Variants in LIMCH1 observed in about 807,000 individuals in gnomAD.
LIMCH1 encodes the protein LIM and calponin homology domains 1.
LIMCH1 carries 113 observed loss-of-function variants against 176.5 expected under a neutral mutation model. The ratio of observed to expected loss-of-function variants is 0.64; its 90% confidence interval spans 0.55 to 0.75. The LOEUF (loss-of-function observed/expected upper bound fraction) is 0.75. Among genes scored for constraint, LIMCH1 ranks in the 30% least tolerant of loss-of-function variants. The probability of loss-of-function intolerance (pLI) is 0.00; values close to 1 mark genes in which losing one functional copy is unlikely to be tolerated. For synonymous variants in LIMCH1, 619 were observed against 645.9 expected (o/e 0.96, Z 0.63); for missense variants, 1,674 against 1,814.9 (o/e 0.92, Z 1.41).
chr4:41,611,071 G>T (rs2091357313), intron 4 of LIMCH1, among the ~76,000 whole-genome samples: 1 of 152,182 alleles, frequency 6.6e-6, no homozygotes, highest in Non-Finnish European at 1.5e-5. Context: ...ATCCAAAAAA[G>T]TCAAATCCTG....
chr4:41,373,422 C>T (rs555632143), intron 1 of LIMCH1, among the ~76,000 whole-genome samples: 12 of 152,338 alleles, frequency 7.9e-5, no homozygotes, highest in South Asian at 6.2e-4. Context: ...AGGAATCCTC[C>T]GTGCTTCTTG....
intron 4 of LIMCH1, among the ~76,000 whole-genome samples, chr4:41,610,235 G>A (rs770924868): frequency 2.6e-5 from 4 of 152,208 alleles, no homozygotes; most frequent in Non-Finnish European, 4.4e-5. Context: ...GGTGAGGGTG[G>A]GGAAGACATT....
Position 41,360,946 on chromosome 4 carries a change from G to C in LIMCH1, c.96+10G>C. ...GCAGAAGTGGATTGAGGTAGGTGCG[G>C]GTGGCTGGCGGGCGGCCTTGCACTG... On this transcript the variant is annotated intron_variant, in intron 1 of 26. Transcript: ENST00000313860. This position sits in a 1 kb window ranked among gnomAD's most constrained non-coding sequence, Gnocchi z 4.5. The C allele has an allele frequency of 1.3e-6, 2 of 1,560,894 alleles. No individual in the cohort carries two copies. The highest frequency in any genetic ancestry group is 1.7e-6 in the Non-Finnish European group (2 of 1,155,886).
intron 18 of LIMCH1, among the ~76,000 whole-genome samples, chr4:41,659,099 A>G (rs1041405554): frequency 1.3e-5 from 2 of 152,196 alleles, no homozygotes; most frequent in African/African-American, 2.4e-5. Context: ...TTCAAATCCT[A>G]CTACCATGTT....
At chr4:41,612,964 A>T in intron 4 of LIMCH1, 1 of 1,544,958 alleles carries the variant, frequency 6.5e-7, no homozygotes, top group Non-Finnish European at 8.7e-7. Context: ...GATTTTACAG[A>T]ACTGATTCTG....
chr4:41,502,907 T>TCACACACACACACACACACA (rs71650929), intron 2 of LIMCH1, among the ~76,000 whole-genome samples: 8 of 142,122 alleles, frequency 5.6e-5, no homozygotes, highest in African/African-American at 2.1e-4. Context: ...CGGAGGTAAA[T>TCACACACACACACACACACA]CACACACACA....
chr4:41,679,400 T>A (rs1255645173), intron 23 of LIMCH1, among the ~76,000 whole-genome samples: 2 of 152,186 alleles, frequency 1.3e-5, no homozygotes, highest in Non-Finnish European at 2.9e-5. Flanking sequence ...CTGCATTATT[T>A]CTGAAAACAA....
At position 41,619,303 on chromosome 4, in the gene LIMCH1, T is replaced by C. The variant is rs1471545885; in HGVS notation, c.321T>C (p.Phe107=). ...SHGEPKSAVP[F]NQYLPNKSNQ... is the part of the protein sequence containing the mutation. ...GTGAGCCGAAATCAGCAGTGCCTTT[T>C]AACCAGTACCTCCCGAACAAAAGCA... Residue 107 remains phenylalanine (F), a synonymous_variant, in exon 6 of 32, where the codon TTT becomes TTC. Coordinates refer to ENST00000503057, the MANE Select transcript of LIMCH1 (RefSeq NM_001330672.2). The C allele has an allele frequency of 3.7e-6, 6 of 1,614,202 alleles. No homozygotes were observed. Among genetic ancestry groups the C allele is most frequent in the Non-Finnish European group, 5.1e-6 (6 of 1,180,032 alleles).
At chr4:41,396,205 A>T (rs2057785388) in intron 1 of LIMCH1, among the ~76,000 whole-genome samples, 1 of 152,176 alleles carries the variant, frequency 6.6e-6, no homozygotes, top group Admixed American at 6.5e-5. Flanking sequence ...ACGATTGTTG[A>T]TATTTCTTCT....
At chr4:41,618,630 C>T (rs1189338286) in intron 5 of LIMCH1, among the ~76,000 whole-genome samples, 2 of 152,198 alleles carry the variant, frequency 1.3e-5, no homozygotes, top group South Asian at 2.1e-4. Flanking sequence ...ACTACTTGAA[C>T]CACTTCCTGG....
At chr4:41,651,576 T>C (rs1052239238) in intron 18 of LIMCH1, among the ~76,000 whole-genome samples, 2 of 152,166 alleles carry the variant, frequency 1.3e-5, no homozygotes, top group South Asian at 4.1e-4. Flanking sequence ...AATAAGTAAA[T>C]CTTTAAAATA....
intron 1 of LIMCH1, among the ~76,000 whole-genome samples, chr4:41,483,199 GA>G (rs2068944660): frequency 6.6e-6 from 1 of 152,116 alleles, no homozygotes; most frequent in Admixed American, 6.5e-5. Flanking sequence ...CTTAATGGAG[GA>G]ACCCAGTTCA....
intron 1 of LIMCH1, among the ~76,000 whole-genome samples, chr4:41,478,157 C>G (rs2068030504): frequency 6.6e-6 from 1 of 152,156 alleles, no homozygotes; most frequent in African/African-American, 2.4e-5. Context: ...AAATGTAACA[C>G]AAGTACAGAG....
At chr4:41,607,577 A>G (rs1464486573) in intron 4 of LIMCH1, among the ~76,000 whole-genome samples, 2 of 152,250 alleles carry the variant, frequency 1.3e-5, no homozygotes, top group African/African-American at 2.4e-5. Context: ...TAGATGGGTC[A>G]TGAAGCTTTG....
intron 1 of LIMCH1, among the ~76,000 whole-genome samples, chr4:41,589,850 C>T (rs535983755): frequency 1.5e-4 from 23 of 152,196 alleles, no homozygotes; most frequent in African/African-American, 4.6e-4. Context: ...AATATAAGTC[C>T]CTGATGAGCT....
intron 1 of LIMCH1, among the ~76,000 whole-genome samples, chr4:41,402,036 C>A (rs573619515): frequency 1.3e-5 from 2 of 152,138 alleles, no homozygotes; most frequent in African/African-American, 4.8e-5. Context: ...CCTTCCCCTG[C>A]CTAATTGCCC....
chr4:41,626,651 G>A (rs1042158074), intron 7 of LIMCH1, 57 bp from the exon 8 acceptor site: 11 of 1,396,724 alleles, frequency 7.9e-6, no homozygotes, highest in Admixed American at 2.1e-5. Context: ...TAGAGATGGA[G>A]ATTTAATTTT....
chr4:41,642,187 A>G (rs868460252), intron 14 of LIMCH1, among the ~76,000 whole-genome samples: 9 of 152,344 alleles, frequency 5.9e-5, no homozygotes, highest in African/African-American at 1.4e-4. Flanking sequence ...CCCATAATCT[A>G]CAAACTACTT....
intron 1 of LIMCH1, among the ~76,000 whole-genome samples, chr4:41,455,674 A>G (rs544850617): frequency 1.3e-5 from 2 of 152,386 alleles, no homozygotes; most frequent in African/African-American, 2.4e-5. Context: ...CTGTATGGCA[A>G]ACATGCTGAT....
Sources: allele counts gnomAD v4.1 joint callset (sites outside exome capture counted in the v4.1 genomes callset), GRCh38; gene constraint gnomAD v4.1.1; non-coding constraint Gnocchi (gnomAD v3.1); transcripts MANE v1.5; gene names NCBI Gene and HGNC (gene_info 2026-07-23, HGNC 2026-07-21).